Variants in SCN1B observed in about 807,000 individuals in gnomAD.
SCN1B encodes the protein sodium voltage-gated channel beta subunit 1, also known as sodium channel regulatory subunit beta-1.
In SCN1B, 11 loss-of-function variants were observed where a neutral mutation model predicts 25.7. The observed-to-expected ratio is 0.43, with a 90% CI of 0.27 to 0.71. The LOEUF (loss-of-function observed/expected upper bound fraction) is 0.71. Ranked by LOEUF, SCN1B falls within the 30% of genes least tolerant of loss-of-function variation. SCN1B has a pLI of 0.21. For missense variants in SCN1B, 224 were observed against 291.5 expected (o/e 0.77, Z 1.69); for synonymous variants, 119 against 117.5 (o/e 1.01, Z -0.08).
chr19:35,031,361 G>GGA (rs146154434), intron 1 of SCN1B: 8,553 of 146,926 alleles, frequency 0.058, 303 homozygotes, highest in Non-Finnish European at 0.082. Flanking sequence ...GAGGGGTATT[G>GGA]GAGAGAGAGA....
chr19:35,032,770 G>T lies in SCN1B; in HGVS notation c.207+76G>T, dbSNP rs1345839244. 2.0e-6 allele frequency: 3 copies of T among 1,520,618 alleles called. No individual in the cohort carries two copies. Among genetic ancestry groups the T allele is most frequent in the Non-Finnish European group, 2.7e-6 (3 of 1,104,262 alleles). The allele number at this position is 1,520,618 out of a possible 1,614,324, so 94.2% of individuals were successfully genotyped here. The stretch of plus-strand genomic sequence containing the variant: ...AGGCGGTGGGGCTGGATCTCAGGGA[G>T]GGGGCTTATTTGTTTAATAATATGC... On this transcript the variant is annotated intron_variant, in intron 2 of 5. Coordinates refer to ENST00000262631, the MANE Select transcript of SCN1B (RefSeq NM_001037.5). This position sits in a 1 kb window ranked among gnomAD's most constrained non-coding sequence, Gnocchi z 4.3.
Position 35,032,394 on chromosome 19 carries a change from G to C in SCN1B, c.41-134G>C. On this transcript the variant is annotated intron_variant, in intron 1 of 5. Transcript: ENST00000262631. This position sits in a 1 kb window ranked among gnomAD's most constrained non-coding sequence, Gnocchi z 4.3. Reference sequence around the variant, plus strand: ...ATGACTTGCTGAGGTCACGCAGTGAGTGACAGGGCTCAGCCTAGCATCCAG... The same window carrying C: ...ATGACTTGCTGAGGTCACGCAGTGACTGACAGGGCTCAGCCTAGCATCCAG... 1.0e-6 allele frequency: 1 copy of C among 986,248 alleles called. No homozygotes were observed. Among genetic ancestry groups the C allele is most frequent in the Admixed American group, 2.0e-5 (1 of 50,796 alleles). 61.1% of individuals were successfully genotyped at this position (986,248 alleles called of 1,614,324 possible). A position where few individuals can be genotyped will look rare whatever the true frequency, so the allele number is the denominator to read the frequency against.
intron 3 of SCN1B, chr19:35,036,866 T>C (rs2064251364): frequency 6.6e-6 from 1 of 152,062 alleles, no homozygotes; most frequent in Non-Finnish European, 1.5e-5. Flanking sequence ...GCGATTCTCC[T>C]GCCTCAGCCT....
chr19:35,038,754 G>A (rs896432909), intron 3 of SCN1B: 39 of 361,918 alleles, frequency 1.1e-4, no homozygotes, highest in African/African-American at 8.2e-4. Context: ...GATGAAGGAG[G>A]TATTCATTTT....
At chr19:35,031,384 G>T in intron 1 of SCN1B, 1 of 151,878 alleles carries the variant, frequency 6.6e-6, no homozygotes, top group Non-Finnish European at 1.5e-5. Flanking sequence ...GAGAGAGAGA[G>T]TTAAGAGACT....
At position 35,032,571 on chromosome 19, in the gene SCN1B, C is replaced by A. The variant is rs147616219; in HGVS notation, c.84C>A (p.Thr28=). 6.2e-7 allele frequency: 1 copy of A among 1,613,912 alleles called. No homozygotes were observed. The highest frequency in any genetic ancestry group is 1.3e-5 in the African/African-American group (1 of 74,914). The part of the protein sequence containing the change: ...CGGCVEVDSE[T]EAVYGMTFKI... ...GCTGCGTGGAGGTGGACTCGGAGACCGAGGCCGTGTATGGGATGACCTTCA... is the reference window on the plus strand; with the variant it reads ...GCTGCGTGGAGGTGGACTCGGAGACAGAGGCCGTGTATGGGATGACCTTCA... Residue 28 remains threonine, a synonymous_variant, in exon 2 of 6, where the codon ACC becomes ACA. Coordinates refer to ENST00000262631, the MANE Select transcript of SCN1B (RefSeq NM_001037.5). This position sits in a 1 kb window ranked among gnomAD's most constrained non-coding sequence, Gnocchi z 4.3.
At chr19:35,039,455 A>G (rs2064270792) in intron 4 of SCN1B, 180 bp from the exon 5 acceptor site, 1 of 971,534 alleles carries the variant, frequency 1.0e-6, no homozygotes, top group Non-Finnish European at 1.6e-6. Flanking sequence ...CCTCCAACTC[A>G]GGAGCCCAGG....
In SCN1B at chr19:35,034,349, T is replaced by C. The variant is rs67777826; in HGVS notation, c.448+610T>C. On this transcript the variant is annotated intron_variant, in intron 3 of 5. Transcript: ENST00000262631. ...TCACTCAACACCTCTGGGGCGGGCC[T>C]AGGGGTCCTTTCTAAAGCTCTCAGG... 171,411 of 572,370 alleles carry C rather than the reference T, an allele frequency of 0.3. 27,051 individuals are homozygous for C. Among genetic ancestry groups the C allele is most frequent in the Middle Eastern group, 0.46 (948 of 2,050 alleles). The allele number at this position is 572,370 out of a possible 1,614,324, so 35.5% of individuals were successfully genotyped here. A position where few individuals can be genotyped will look rare whatever the true frequency, so the allele number is the denominator to read the frequency against.
intron 1 of SCN1B, chr19:35,031,361 GGAGAGAGA>G (rs146154434): frequency 6.8e-6 from 1 of 147,006 alleles, no homozygotes; most frequent in Non-Finnish European, 1.5e-5. Flanking sequence ...GAGGGGTATT[GGAGAGAGA>G]GAGAGAGAGA....
At chr19:35,039,745 A>G in intron 5 of SCN1B, 39 bp downstream of exon 5, 1 of 1,595,148 alleles carries the variant, frequency 6.3e-7, no homozygotes, top group Non-Finnish European at 8.6e-7. Flanking sequence ...GGGGATTGGG[A>G]GGGGCCGAAG....
intron 1 of SCN1B, chr19:35,031,278 G>C (rs192858716): frequency 6.6e-6 from 1 of 152,002 alleles, no homozygotes; most frequent in East Asian, 2.0e-4. Context: ...GACAGAGAAG[G>C]ACTCGGAGCG....
At chr19:35,038,766 C>T (rs2064263470) in intron 3 of SCN1B, 1 of 369,796 alleles carries the variant, frequency 2.7e-6, no homozygotes, top group Non-Finnish European at 5.2e-6. Context: ...ATTCATTTTA[C>T]AATTGAAGAA....
chr19:35,034,203 T>G, intron 3 of SCN1B: 2 of 1,527,170 alleles, frequency 1.3e-6, no homozygotes, highest in East Asian at 4.9e-5. Flanking sequence ...GTTCTTACTG[T>G]TCGAGTAGCT....
chr19:35,038,346 A>G (rs1378356031), intron 3 of SCN1B: 1 of 152,246 alleles, frequency 6.6e-6, no homozygotes, highest in Non-Finnish European at 1.5e-5. Flanking sequence ...GAAGCTGGCA[A>G]TCGGCAGGGC....
intron 4 of SCN1B, 178 bp downstream of exon 4, chr19:35,039,436 C>T (rs1189933336): frequency 1.5e-5 from 15 of 1,007,730 alleles, no homozygotes; most frequent in East Asian, 2.6e-5. Flanking sequence ...CAGACCCAGC[C>T]CCTTCCTCCC....
Position 35,039,990 on chromosome 19 carries a change from G to A in SCN1B, c.*199G>A, listed in dbSNP as rs976641010. 4 of 530,986 alleles carry A rather than the reference G, an allele frequency of 7.5e-6. No individual in the cohort carries two copies. The highest frequency in any genetic ancestry group is 1.0e-5 in the Non-Finnish European group (3 of 292,846). The allele number at this position is 530,986 out of a possible 1,614,324, so 32.9% of individuals were successfully genotyped here. A position where few individuals can be genotyped will look rare whatever the true frequency, so the allele number is the denominator to read the frequency against. On this transcript the variant is annotated 3_prime_UTR_variant, in exon 6 of 6. Coordinates refer to ENST00000262631, the MANE Select transcript of SCN1B (RefSeq NM_001037.5). ...CGCCTCCTCCAGCTCCTGCCCCGCCGGCCGCGCACCGCCATGCATGATGGG... is the reference window on the plus strand; with the variant it reads ...CGCCTCCTCCAGCTCCTGCCCCGCCAGCCGCGCACCGCCATGCATGATGGG...
chr19:35,033,873 G>A lies in SCN1B; in HGVS notation c.448+134G>A. The stretch of plus-strand genomic sequence containing the variant: ...ACCGCCCACAGCAGCGGGCTGAGGG[G>A]GAGGGGAGCAGCCCCTCCTGCCCAC... On this transcript the variant is annotated intron_variant, in intron 3 of 5. Coordinates refer to ENST00000262631, the MANE Select transcript of SCN1B (RefSeq NM_001037.5). 1 of 1,606,424 alleles carries A rather than the reference G, an allele frequency of 6.2e-7. No homozygotes were observed. Among genetic ancestry groups the A allele is most frequent in the Middle Eastern group, 1.7e-4 (1 of 6,042 alleles).
intron 1 of SCN1B, 41 bp downstream of exon 1, chr19:35,030,901 G>C: frequency 2.5e-6 from 1 of 398,558 alleles, no homozygotes; most frequent in Non-Finnish European, 3.7e-6. Context: ...GGGCACCGCG[G>C]GGGCACTGGC....
At position 35,030,621 on chromosome 19, in the gene SCN1B, G is replaced by C. The variant is rs993273486; in HGVS notation, c.-200G>C. On this transcript the variant is annotated 5_prime_UTR_variant, in exon 1 of 6. Coordinates refer to ENST00000262631, the MANE Select transcript of SCN1B (RefSeq NM_001037.5). Reference sequence around the variant, plus strand: ...GCGCGGCGGGGATGCCCGGACGCCGGGCCCCGGGGCTGGGCCCCCGGCGGT... The same window carrying C: ...GCGCGGCGGGGATGCCCGGACGCCGCGCCCCGGGGCTGGGCCCCCGGCGGT... The C allele has an allele frequency of 6.3e-6, 1 of 157,934 alleles. No individual in the cohort carries two copies. The highest frequency in any genetic ancestry group is 2.4e-5 in the African/African-American group (1 of 41,044). 9.8% of individuals were successfully genotyped at this position (157,934 alleles called of 1,614,324 possible). A position where few individuals can be genotyped will look rare whatever the true frequency, so the allele number is the denominator to read the frequency against.
Sources: allele counts gnomAD v4.1 joint callset, GRCh38; gene constraint gnomAD v4.1.1; non-coding constraint Gnocchi (gnomAD v3.1); transcripts MANE v1.5; gene names NCBI Gene and HGNC (gene_info 2026-07-23, HGNC 2026-07-21).